FRMD4A: variants seen among roughly 807,000 people sequenced by gnomAD.
FRMD4A encodes the protein FERM domain containing 4A, also known as FERM domain-containing protein 4A.
A neutral mutation model predicts 129.1 loss-of-function variants in FRMD4A; 29 were observed. The observed-to-expected ratio is 0.22, with a 90% CI of 0.17 to 0.31. FRMD4A has a LOEUF of 0.31. Ranked by LOEUF, FRMD4A falls within the 10% of genes least tolerant of loss-of-function variation. The pLI is 1.00. For synonymous variants in FRMD4A, 634 were observed against 571.6 expected (o/e 1.11, Z -1.56); for missense variants, 1,272 against 1,375.8 (o/e 0.92, Z 1.19).
intron 2 of FRMD4A, among the ~76,000 whole-genome samples, chr10:14,214,772 T>A (rs990376035): frequency 6.6e-6 from 1 of 152,218 alleles, no homozygotes; most frequent in Non-Finnish European, 1.5e-5. Flanking sequence ...GAACAAAAAT[T>A]GTAGCATTCT....
intron 16 of FRMD4A, among the ~76,000 whole-genome samples, chr10:13,673,709 G>C (rs145307660): frequency 3.4e-5 from 5 of 149,214 alleles, no homozygotes; most frequent in African/African-American, 1.2e-4. Context: ...AATAAATAAA[G>C]ACAGCAGCTT....
chr10:13,901,901 A>C (rs1176664407), intron 2 of FRMD4A, among the ~76,000 whole-genome samples: 2 of 152,228 alleles, frequency 1.3e-5, no homozygotes, highest in African/African-American at 2.4e-5. Context: ...TAGAAGTCAG[A>C]CCTACTCCAA....
At chr10:14,078,557 C>A (rs1835745069) in intron 2 of FRMD4A, among the ~76,000 whole-genome samples, 1 of 152,220 alleles carries the variant, frequency 6.6e-6, no homozygotes, top group Admixed American at 6.5e-5. Flanking sequence ...TTACTGAGCA[C>A]CTACTACGTG....
rs1554852858 is a variant in FRMD4A at position 13,702,567 on chromosome 10, T to TGC, written c.837-1091_837-1090dup. 5.5e-4 allele frequency among the ~76,000 whole-genome samples: 82 copies of TGC among 149,364 alleles called. 2 individuals are homozygous for TGC. The East Asian group carries it at 5.7e-3, about 10-fold the overall frequency. ...GTGTGTGTGTGTGTGTGTGTGTGTG[T>TGC]GCGCATGCATGTGAGACAAGTTGAC... On this transcript the variant is annotated intron_variant, in intron 13 of 24. Coordinates refer to ENST00000357447, the MANE Select transcript of FRMD4A (RefSeq NM_018027.5).
chr10:13,871,411 C>T (rs12764497), intron 2 of FRMD4A, among the ~76,000 whole-genome samples: 10,258 of 152,202 alleles, frequency 0.067, 392 homozygotes, highest in Admixed American at 0.11. Flanking sequence ...ATGGTTGTTC[C>T]TTTTTAAAAA....
At chr10:13,752,314 T>C (rs1398400725) in intron 8 of FRMD4A, among the ~76,000 whole-genome samples, 1 of 152,152 alleles carries the variant, frequency 6.6e-6, no homozygotes, top group African/African-American at 2.4e-5. Context: ...TTTCTAGCAA[T>C]ATATCAAATA....
intron 2 of FRMD4A, among the ~76,000 whole-genome samples, chr10:13,861,364 C>T (rs573414807): frequency 6.6e-6 from 1 of 152,330 alleles, no homozygotes; most frequent in East Asian, 1.9e-4. Context: ...AGAAAATTAT[C>T]TTATTCCTTC....
At chr10:13,733,445 T>A (rs1398775361) in intron 12 of FRMD4A, among the ~76,000 whole-genome samples, 1 of 152,144 alleles carries the variant, frequency 6.6e-6, no homozygotes, top group Non-Finnish European at 1.5e-5. Flanking sequence ...GGCCTGGTTT[T>A]TTTTTTGGAG....
intron 14 of FRMD4A, 41 bp from the exon 15 acceptor site, chr10:13,694,080 C>G: frequency 6.7e-7 from 1 of 1,486,408 alleles, no homozygotes; most frequent in Non-Finnish European, 8.9e-7. Context: ...GTGACGCTCA[C>G]CTTGCGGAAA....
intron 2 of FRMD4A, among the ~76,000 whole-genome samples, chr10:14,100,969 G>A (rs1195458805): frequency 6.6e-6 from 1 of 152,128 alleles, no homozygotes; most frequent in East Asian, 1.9e-4. Flanking sequence ...CACAACGTGT[G>A]GGTTGGATGG....
intron 2 of FRMD4A, among the ~76,000 whole-genome samples, chr10:14,300,858 T>A (rs1846160544): frequency 6.6e-6 from 1 of 152,184 alleles, no homozygotes; most frequent in African/African-American, 2.4e-5. Flanking sequence ...TTCCCTTTGC[T>A]ACTGGGAGGT....
intron 11 of FRMD4A, among the ~76,000 whole-genome samples, chr10:13,739,827 C>G (rs997020445): frequency 1.3e-5 from 2 of 152,194 alleles, no homozygotes; most frequent in African/African-American, 4.8e-5. Flanking sequence ...GGGCCAGGCG[C>G]GGTGGCTCAC....
intron 19 of FRMD4A, among the ~76,000 whole-genome samples, chr10:13,662,331 A>G (rs2082696554): frequency 6.6e-6 from 1 of 152,202 alleles, no homozygotes; most frequent in Admixed American, 6.5e-5. Flanking sequence ...CTTTCCTCAC[A>G]TCAAGAGCAA....
chr10:13,897,665 A>G (rs77262962), intron 2 of FRMD4A, among the ~76,000 whole-genome samples: 2,997 of 152,242 alleles, frequency 0.02, 70 homozygotes, highest in African/African-American at 0.058. Context: ...TTATAGGTAC[A>G]GTGGCTCAAG....
At chr10:13,731,873 C>T (rs544511915) in intron 12 of FRMD4A, among the ~76,000 whole-genome samples, 1 of 152,178 alleles carries the variant, frequency 6.6e-6, no homozygotes, top group South Asian at 2.1e-4. Flanking sequence ...CCGAAGTTGG[C>T]CTTCAGAAGT....
rs150902319 is a variant in FRMD4A, at chr10:13,800,253, A to C, written c.207-3665T>G. On this transcript the variant is annotated intron_variant, in intron 4 of 24. Coordinates refer to ENST00000357447, the MANE Select transcript of FRMD4A (RefSeq NM_018027.5). ...TCAGTTTTCAACATTTACAGAAATT[A>C]TCCCCCAAAACCTAGCACAGTGTAT... Among the ~76,000 whole-genome samples, 273 of 152,320 alleles carry C rather than the reference A, an allele frequency of 1.8e-3. 1 individual carries two copies. Among genetic ancestry groups the C allele is most frequent in the African/African-American group, 6.4e-3 (265 of 41,576 alleles).
intron 2 of FRMD4A, among the ~76,000 whole-genome samples, chr10:14,051,077 C>G (rs1834234414): frequency 6.6e-6 from 1 of 152,192 alleles, no homozygotes; most frequent in Admixed American, 6.5e-5. Flanking sequence ...TAGAAGGTGT[C>G]AGGATTGCAA....
intron 2 of FRMD4A, among the ~76,000 whole-genome samples, chr10:14,127,092 T>TTTGCTGG (rs1274543368): frequency 2.6e-5 from 4 of 152,132 alleles, no homozygotes; most frequent in African/African-American, 9.7e-5. Context: ...AACCCAGGTG[T>TTTGCTGG]GATCCAAGAG....
chr10:13,740,486 AT>A, intron 10 of FRMD4A, 25 bp downstream of exon 10: 1 of 1,384,274 alleles, frequency 7.2e-7, no homozygotes, highest in East Asian at 2.3e-5. Flanking sequence ...CACTGTCCCC[AT>A]GTGAGCTGGG....
Sources: allele counts gnomAD v4.1 joint callset (sites outside exome capture counted in the v4.1 genomes callset), GRCh38; gene constraint gnomAD v4.1.1; transcripts MANE v1.5; gene names NCBI Gene and HGNC (gene_info 2026-07-23, HGNC 2026-07-21).